Variants in COL18A1 observed in about 807,000 individuals in gnomAD.
COL18A1 encodes collagen type XVIII alpha 1 chain.
A neutral mutation model predicts 168.0 loss-of-function variants in COL18A1; 133 were observed. The observed-to-expected ratio is 0.79, with a 90% CI of 0.69 to 0.91. The LOEUF (loss-of-function observed/expected upper bound fraction) is 0.91. Among genes scored for constraint, COL18A1 ranks in the 40% least tolerant of loss-of-function variants. The pLI, the probability that COL18A1 is intolerant of heterozygous loss-of-function variation, is 0.00. For missense variants in COL18A1, 2,126 were observed against 1,925.4 expected (o/e 1.10, Z -1.95); for synonymous variants, 949 against 809.0 (o/e 1.17, Z -2.94).
At chr21:45,510,303 CA>C (rs1422368642) in intron 40 of COL18A1, 42 bp downstream of exon 40, 1 of 1,553,800 alleles carries the variant, frequency 6.4e-7, no homozygotes, top group East Asian at 2.4e-5. Context: ...CCTCGGCCCC[CA>C]CTTGACCTCT....
chr21:45,477,803 G>A lies in COL18A1; in HGVS notation c.1059G>A (p.Arg353=), dbSNP rs886057123. The change falls in exon 8 of 42, where the codon CGG becomes CGA. Residue 353 remains arginine (R), a synonymous_variant. Coordinates refer to ENST00000651438, the MANE Select transcript of COL18A1 (RefSeq NM_001379500.1). The part of the protein sequence containing the change: ...GEPGVPGPPG[R]AGPPGSPCLP... ...CAGGTGTTCCGGGCCCACCTGGCCG[G>A]GCAGGCCCCCCAGGATCCCCATGCC... is the stretch of plus-strand genomic sequence containing the variant. The A allele has an allele frequency of 3.9e-6, 6 of 1,549,672 alleles. No individual in the cohort carries two copies. The East Asian group carries it at 1.2e-4, about 31-fold the overall frequency.
chr21:45,496,170 G>C, intron 29 of COL18A1: 1 of 498,454 alleles, frequency 2.0e-6, no homozygotes, highest in Non-Finnish European at 3.8e-6. Flanking sequence ...CCACTCTGCT[G>C]TCTTTTGAGC....
intron 34 of COL18A1, among the ~76,000 whole-genome samples, chr21:45,504,905 C>T (rs886284209): frequency 8.5e-5 from 11 of 129,360 alleles, no homozygotes; most frequent in Admixed American, 3.6e-4. Flanking sequence ...TGCCTGGGGG[C>T]CCACACTGTT....
At chr21:45,483,723 A>G (rs910504079) in intron 15 of COL18A1, among the ~76,000 whole-genome samples, 1 of 152,154 alleles carries the variant, frequency 6.6e-6, no homozygotes, top group Admixed American at 6.5e-5. Context: ...TCCCCAGAAC[A>G]TGGCCAAGCT....
intron 2 of COL18A1, among the ~76,000 whole-genome samples, chr21:45,419,500 T>A (rs1346508438): frequency 4.6e-5 from 7 of 152,182 alleles, no homozygotes; most frequent in Admixed American, 4.6e-4. Context: ...AGGCCGCCCA[T>A]CACTGTTCGG....
Position 45,474,462 on chromosome 21 carries a change from C to CTGTGTGTGGTGTGTCTCTG in COL18A1, c.738+503_738+521dup, listed in dbSNP as rs1218389419. On this transcript the variant is annotated intron_variant, in intron 4 of 41. Transcript: ENST00000651438. ...GTGTGTCTCTGTGTGTAGTGTGTCTCTGTGTGTGGTGTGTCTCTGTGTGTG... is the reference window on the plus strand; with the variant it reads ...GTGTGTCTCTGTGTGTAGTGTGTCTCTGTGTGTGGTGTGTCTCTGTGTGTGTGGTGTGTCTCTGTGTGTG... Among the ~76,000 whole-genome samples the CTGTGTGTGGTGTGTCTCTG allele has an allele frequency of 8.3e-5, 11 of 132,294 alleles. No homozygotes were observed. In the East Asian group the frequency reaches 2.0e-3, roughly 24 times the overall value. 86.8% of individuals were successfully genotyped at this position (132,294 alleles called of 152,430 possible).
intron 32 of COL18A1, chr21:45,502,941 G>C (rs960563154): frequency 6.6e-6 from 1 of 152,140 alleles, no homozygotes; most frequent in Admixed American, 6.5e-5. Flanking sequence ...CCAGATGGAA[G>C]GGCAGTCTAG....
chr21:45,438,927 G>C (rs2034293815), intron 2 of COL18A1, among the ~76,000 whole-genome samples: 1 of 152,160 alleles, frequency 6.6e-6, no homozygotes, highest in Non-Finnish European at 1.5e-5. Context: ...GCCGGTGGGG[G>C]CCGAGGGGCT....
At chr21:45,450,535 G>A (rs563722586) in intron 2 of COL18A1, among the ~76,000 whole-genome samples, 6 of 152,320 alleles carry the variant, frequency 3.9e-5, no homozygotes, top group South Asian at 2.1e-4. Context: ...CCCTGTTCAC[G>A]TGTGGATGTT....
At chr21:45,470,041 C>G (rs1162444538) in intron 3 of COL18A1, among the ~76,000 whole-genome samples, 4 of 152,250 alleles carry the variant, frequency 2.6e-5, no homozygotes, top group African/African-American at 4.8e-5. Context: ...TGCCGTACAT[C>G]TTTAACACTG....
intron 14 of COL18A1, chr21:45,482,345 G>A (rs756552407): frequency 1.5e-6 from 1 of 681,766 alleles, no homozygotes; most frequent in Admixed American, 1.8e-5. Flanking sequence ...ACTGACGCAA[G>A]GAGCCGGGGC....
chr21:45,512,010 GC>G (rs374561989), intron 41 of COL18A1, among the ~76,000 whole-genome samples, 177 bp from the exon 42 acceptor site: 10 of 152,236 alleles, frequency 6.6e-5, no homozygotes, highest in African/African-American at 1.9e-4. Context: ...GGGAGATGCA[GC>G]CCCCTCCACA....
Position 45,486,957 on chromosome 21 carries a change from C to T in COL18A1, c.1798C>T (p.Pro600Ser). The change falls in exon 16 of 42, where the codon CCT becomes TCT. Residue 600 changes from proline to serine, a missense_variant. Pro to Ser is a moderately conservative substitution (Grantham distance 74, BLOSUM62 -1). Transcript: ENST00000651438. Reference protein sequence around the residue: ...PAGPPGPPGPPGPPGPGLPAG... With the variant: ...PAGPPGPPGPSGPPGPGLPAG... ...TGGACCACCAGGCCCCCCTGGGCCC[C>T]CTGGGCCCCCAGGACCAGGACTCCC... The T allele has an allele frequency of 1.3e-6, 2 of 1,502,654 alleles. No individual in the cohort carries two copies. The highest frequency in any genetic ancestry group is 1.8e-6 in the Non-Finnish European group (2 of 1,129,164). 93.1% of individuals were successfully genotyped at this position (1,502,654 alleles called of 1,614,324 possible).
chr21:45,495,615 T>C (rs2036503363), intron 29 of COL18A1, 183 bp downstream of exon 29: 1 of 562,434 alleles, frequency 1.8e-6, no homozygotes, highest in Admixed American at 2.6e-5. Flanking sequence ...CACGCACACG[T>C]GTGCCCAAAC....
chr21:45,494,728 A>G lies in COL18A1; in HGVS notation c.2380-134A>G, dbSNP rs9977637. 253,457 of 1,299,534 alleles carry G rather than the reference A, an allele frequency of 0.2. 25,620 individuals are homozygous for G. Among genetic ancestry groups the G allele is most frequent in the Admixed American group, 0.21 (11,267 of 52,420 alleles). The allele number at this position is 1,299,534 out of a possible 1,614,324, so 80.5% of individuals were successfully genotyped here. Reference sequence around the variant, plus strand: ...GGGGCAGGTGTCGGCGTGAGGCTGCAGTGGGCTCCTCCGAGCTGATGGGTG... The same window carrying G: ...GGGGCAGGTGTCGGCGTGAGGCTGCGGTGGGCTCCTCCGAGCTGATGGGTG... On this transcript the variant is annotated intron_variant, in intron 27 of 41. Transcript: ENST00000651438.
intron 2 of COL18A1, among the ~76,000 whole-genome samples, chr21:45,436,477 T>C (rs1379274944): frequency 6.6e-6 from 1 of 152,232 alleles, no homozygotes; most frequent in East Asian, 1.9e-4. Context: ...GAGATTCTAC[T>C]TCCTGCTCTA....
intron 2 of COL18A1, among the ~76,000 whole-genome samples, chr21:45,452,678 T>C (rs556628145): frequency 1.4e-5 from 2 of 147,198 alleles, no homozygotes; most frequent in South Asian, 4.3e-4. Flanking sequence ...ATGTGTGACA[T>C]GTGTGAGCAT....
intron 2 of COL18A1, among the ~76,000 whole-genome samples, chr21:45,432,236 A>AGCTGGG (rs111812117): frequency 3.9e-5 from 6 of 151,920 alleles, no homozygotes; most frequent in African/African-American, 1.5e-4. Context: ...TGAAGGTCAG[A>AGCTGGG]GCTGGGGCTG....
Position 45,477,465 on chromosome 21 carries a change from C to T in COL18A1, c.983C>T (p.Thr328Ile), listed in dbSNP as rs1427568442. The change falls in exon 7 of 42, where the codon ACC becomes ATC. Residue 328 changes from threonine (T) to isoleucine (I), a missense_variant. Coordinates refer to ENST00000651438, the MANE Select transcript of COL18A1 (RefSeq NM_001379500.1). ...SVSTWDGSVR[T>I]PGGRVKEGGL... Reference sequence around the variant, plus strand: ...TCCACGTGGGACGGGAGTGTCCGGACCCCTGGGGGCCGCGTGAAAGAGGTA... The same window carrying T: ...TCCACGTGGGACGGGAGTGTCCGGATCCCTGGGGGCCGCGTGAAAGAGGTA... 2.4e-5 allele frequency: 38 copies of T among 1,612,058 alleles called. No individual in the cohort carries two copies. The highest frequency in any genetic ancestry group is 4.5e-5 in the East Asian group (2 of 44,804).
Sources: allele counts gnomAD v4.1 joint callset (sites outside exome capture counted in the v4.1 genomes callset), GRCh38; gene constraint gnomAD v4.1.1; transcripts MANE v1.5; gene names NCBI Gene and HGNC (gene_info 2026-07-23, HGNC 2026-07-21).